ZNF804B: variants seen among roughly 807,000 people sequenced by gnomAD.
The protein encoded by ZNF804B is zinc finger protein 804B.
Under a neutral mutation model 101.4 loss-of-function variants are expected in ZNF804B, and 80 were observed. That is an observed-to-expected ratio of 0.79 (90% CI 0.66 to 0.95). The LOEUF (loss-of-function observed/expected upper bound fraction) is 0.95. Among genes scored for constraint, ZNF804B ranks in the 40% least tolerant of loss-of-function variants. ZNF804B has a pLI of 0.00. For synonymous variants in ZNF804B, 622 were observed against 558.8 expected (o/e 1.11, Z -1.59); for missense variants, 1,673 against 1,561.9 (o/e 1.07, Z -1.20).
intron 1 of ZNF804B, among the ~76,000 whole-genome samples, chr7:88,860,769 A>G (rs565081730): frequency 6.6e-6 from 1 of 152,184 alleles, no homozygotes; most frequent in Non-Finnish European, 1.5e-5. Flanking sequence ...AATGTGAGAT[A>G]TAAAGGAATA....
intron 1 of ZNF804B, among the ~76,000 whole-genome samples, chr7:89,206,992 G>A (rs952278074): frequency 2.0e-5 from 3 of 152,146 alleles, no homozygotes; most frequent in African/African-American, 7.2e-5. Context: ...ATCTCCATCT[G>A]AGACCCTCAG....
chr7:88,857,429 A>T (rs1375255552), intron 1 of ZNF804B, among the ~76,000 whole-genome samples: 1 of 152,158 alleles, frequency 6.6e-6, no homozygotes, highest in Non-Finnish European at 1.5e-5. Flanking sequence ...GATAAAGGGG[A>T]TATCACCACC....
intron 1 of ZNF804B, among the ~76,000 whole-genome samples, chr7:89,057,409 C>T (rs913777642): frequency 8.6e-5 from 13 of 151,982 alleles, no homozygotes; most frequent in African/African-American, 3.1e-4. Context: ...ATAGGGAGGC[C>T]AAAAACAGTT....
intron 1 of ZNF804B, among the ~76,000 whole-genome samples, chr7:88,956,597 A>T (rs1793313356): frequency 6.6e-6 from 1 of 151,578 alleles, no homozygotes; most frequent in East Asian, 2.0e-4. Context: ...CTAAACTTTT[A>T]ATTTTCTAAG....
At chr7:89,270,721 T>C (rs943325000) in intron 2 of ZNF804B, among the ~76,000 whole-genome samples, 1 of 152,212 alleles carries the variant, frequency 6.6e-6, no homozygotes, top group African/African-American at 2.4e-5. Context: ...TTCCATTTGT[T>C]TGTGTCCTCT....
intron 1 of ZNF804B, among the ~76,000 whole-genome samples, chr7:89,212,330 G>A (rs1033282694): frequency 8.0e-5 from 12 of 150,324 alleles, no homozygotes; most frequent in Non-Finnish European, 1.3e-4. Flanking sequence ...ACCTATATAG[G>A]GGAAGAAAAA....
At chr7:88,877,034 T>TATATATATTATATATATAATATATATATA (rs1562820459) in intron 1 of ZNF804B, among the ~76,000 whole-genome samples, 34 of 45,564 alleles carry the variant, frequency 7.5e-4, no homozygotes, top group African/African-American at 3.4e-3. Flanking sequence ...ATAATATATA[T>TATATATATTATATATATAATATATATATA]ATATATATAT....
chr7:88,854,807 A>G (rs1050942376), intron 1 of ZNF804B, among the ~76,000 whole-genome samples: 8 of 117,666 alleles, frequency 6.8e-5, no homozygotes, highest in Non-Finnish European at 9.6e-5. Context: ...TCCTGTGTCC[A>G]TGTGTTCTCA....
intron 1 of ZNF804B, among the ~76,000 whole-genome samples, chr7:88,848,013 A>G (rs955025342): frequency 1.3e-5 from 2 of 152,184 alleles, no homozygotes; most frequent in East Asian, 1.9e-4. Context: ...GGCTAGAGCA[A>G]TGGTTTCCAA....
chr7:88,760,103 CACAT>C lies in ZNF804B; in HGVS notation c.108+27_108+30del, dbSNP rs753296992. The C allele has an allele frequency of 1.3e-5, 20 of 1,577,574 alleles. No homozygotes were observed. The Admixed American group carries it at 3.3e-4, about 26-fold the overall frequency. Reference sequence around the variant, plus strand: ...CTCTCCGGTAATGTGCGCGCGCACACACATACATACACAAACGTTCCAACTCAAC... The same window carrying C: ...CTCTCCGGTAATGTGCGCGCGCACACACATACACAAACGTTCCAACTCAAC... On this transcript the variant is annotated intron_variant, in intron 1 of 3. Coordinates refer to ENST00000333190, the MANE Select transcript of ZNF804B (RefSeq NM_181646.5).
chr7:88,876,523 C>T (rs1385855421), intron 1 of ZNF804B, among the ~76,000 whole-genome samples: 1 of 152,160 alleles, frequency 6.6e-6, no homozygotes, highest in Admixed American at 6.6e-5. Flanking sequence ...ATCCTCAACA[C>T]TTCTGGAGAT....
chr7:88,993,242 A>G (rs1036278514), intron 1 of ZNF804B, among the ~76,000 whole-genome samples: 10 of 152,144 alleles, frequency 6.6e-5, no homozygotes, highest in Admixed American at 2.0e-4. Flanking sequence ...AAGAAATAAC[A>G]CTATATTTTG....
intron 2 of ZNF804B, among the ~76,000 whole-genome samples, chr7:89,278,130 T>C (rs1419541289): frequency 6.6e-6 from 1 of 152,268 alleles, no homozygotes; most frequent in Non-Finnish European, 1.5e-5. Context: ...ATATGTTTCT[T>C]GGCTGCATAA....
intron 1 of ZNF804B, among the ~76,000 whole-genome samples, chr7:88,809,142 G>C (rs1445162062): frequency 3.3e-5 from 5 of 152,148 alleles, no homozygotes. Context: ...TAATGTGAAA[G>C]AATCTGCCTT....
chr7:89,214,008 C>T (rs1403859390), intron 1 of ZNF804B, among the ~76,000 whole-genome samples: 2 of 152,134 alleles, frequency 1.3e-5, no homozygotes, highest in East Asian at 3.9e-4. Context: ...ACACTAGCCA[C>T]TTTAAAAAAC....
chr7:88,862,438 T>C (rs1791664171), intron 1 of ZNF804B, among the ~76,000 whole-genome samples: 1 of 152,108 alleles, frequency 6.6e-6, no homozygotes, highest in African/African-American at 2.4e-5. Flanking sequence ...GATGGAGGTA[T>C]ACAGGAAGAC....
chr7:89,227,192 T>C (rs1331669903), intron 2 of ZNF804B, among the ~76,000 whole-genome samples: 2 of 152,244 alleles, frequency 1.3e-5, no homozygotes, highest in East Asian at 1.9e-4. Flanking sequence ...AAAGGATACA[T>C]ATGAGATAAA....
intron 2 of ZNF804B, among the ~76,000 whole-genome samples, chr7:89,286,247 C>G (rs77238917): frequency 6.6e-6 from 1 of 151,780 alleles, no homozygotes; most frequent in Non-Finnish European, 1.5e-5. Flanking sequence ...ACACACAATC[C>G]TCTATGGAAA....
At chr7:88,852,297 A>G (rs1191336438) in intron 1 of ZNF804B, among the ~76,000 whole-genome samples, 2 of 152,094 alleles carry the variant, frequency 1.3e-5, no homozygotes, top group Non-Finnish European at 2.9e-5. Flanking sequence ...TATATTTCTT[A>G]CTATGAGTCA....
Sources: gnomAD v4.1 joint callset for allele counts (sites outside exome capture counted in the v4.1 genomes callset) on GRCh38, gnomAD v4.1.1 for gene constraint, MANE v1.5 for transcripts, NCBI Gene and HGNC (gene_info 2026-07-23, HGNC 2026-07-21) for gene names.